GLG1: variants seen among roughly 807,000 people sequenced by gnomAD.
The protein encoded by GLG1 is Golgi apparatus protein 1.
GLG1 carries 38 observed loss-of-function variants against 160.5 expected under a neutral mutation model. The observed-to-expected ratio is 0.24, with a 90% CI of 0.18 to 0.31. The LOEUF (loss-of-function observed/expected upper bound fraction) is 0.31. Ranked by LOEUF, GLG1 falls within the 10% of genes least tolerant of loss-of-function variation. The probability of loss-of-function intolerance (pLI) is 1.00; values close to 1 mark genes in which losing one functional copy is unlikely to be tolerated. For synonymous variants in GLG1, 644 were observed against 543.4 expected, an observed-to-expected ratio of 1.19 and a Z score of -2.57; for missense variants, 1,373 against 1,505.2, an observed-to-expected ratio of 0.91 and a Z score of 1.45.
Position 74,462,737 on chromosome 16 carries a change from C to T in GLG1, c.2792-107G>A. The T allele has an allele frequency of 1.0e-5, 10 of 988,620 alleles. 1 individual carries two copies. In the South Asian group the frequency reaches 1.3e-4, roughly 13 times the overall value. 61.2% of individuals were successfully genotyped at this position (988,620 alleles called of 1,614,324 possible). A position where few individuals can be genotyped will look rare whatever the true frequency, so the allele number is the denominator to read the frequency against. Reference sequence around the variant, plus strand: ...CATATTATGTCAATGATCATGACTACAACCATGGATTTATCTATTCAATAA... The same window carrying T: ...CATATTATGTCAATGATCATGACTATAACCATGGATTTATCTATTCAATAA... On this transcript the variant is annotated intron_variant, in intron 20 of 25. Coordinates refer to ENST00000422840, the MANE Select transcript of GLG1 (RefSeq NM_001145667.2).
chr16:74,516,166 G>C (rs1458806918), intron 2 of GLG1, among the ~76,000 whole-genome samples: 1 of 151,490 alleles, frequency 6.6e-6, no homozygotes, highest in African/African-American at 2.4e-5. Context: ...AGTTAAGAAG[G>C]ATATCCAGGA....
At chr16:74,528,646 T>A (rs2017420546) in intron 2 of GLG1, among the ~76,000 whole-genome samples, 1 of 151,486 alleles carries the variant, frequency 6.6e-6, no homozygotes, top group African/African-American at 2.4e-5. Context: ...ACCCTGTCCC[T>A]ACTAAAAATA....
At chr16:74,604,575 T>A (rs1475361630) in intron 1 of GLG1, among the ~76,000 whole-genome samples, 1 of 152,260 alleles carries the variant, frequency 6.6e-6, no homozygotes, top group African/African-American at 2.4e-5. Flanking sequence ...AGTACATATA[T>A]CTATTTCACT....
rs1597316896 is a variant in GLG1, at chr16:74,532,036, T to C, written c.471+85A>G. 7 of 559,620 alleles carry C rather than the reference T, an allele frequency of 1.3e-5. No individual in the cohort carries two copies. In the East Asian group the frequency reaches 2.2e-4, roughly 17 times the overall value. The allele number at this position is 559,620 out of a possible 1,614,324, so 34.7% of individuals were successfully genotyped here. On this transcript the variant is annotated intron_variant, in intron 2 of 25. Coordinates refer to ENST00000422840, the MANE Select transcript of GLG1 (RefSeq NM_001145667.2). ...TAAGACTGTAAGAAAACATAGCACT[T>C]CCCAGAACAACAGGAAGAGCATCCC...
chr16:74,473,890 G>T (rs140742012), intron 13 of GLG1, among the ~76,000 whole-genome samples: 75 of 152,288 alleles, frequency 4.9e-4, no homozygotes, highest in African/African-American at 1.7e-3. Context: ...AAGAGCGAGG[G>T]ATGAGAGAAC....
At chr16:74,603,984 TA>T (rs780147517) in intron 1 of GLG1, among the ~76,000 whole-genome samples, 919 of 138,070 alleles carry the variant, frequency 6.7e-3, no homozygotes, top group Admixed American at 7.8e-3. Context: ...CCGAGAGCGT[TA>T]AAAAAAAAAA....
chr16:74,589,514 A>G (rs1211174131), intron 1 of GLG1, among the ~76,000 whole-genome samples: 1 of 152,174 alleles, frequency 6.6e-6, no homozygotes, highest in African/African-American at 2.4e-5. Context: ...ACACTTACAT[A>G]TAAGCCCTGT....
intron 1 of GLG1, among the ~76,000 whole-genome samples, chr16:74,565,484 G>A (rs1262119818): frequency 6.6e-6 from 1 of 152,178 alleles, no homozygotes; most frequent in African/African-American, 2.4e-5. Context: ...AAAACAAACT[G>A]CAACCTACTC....
At chr16:74,575,232 C>G (rs947121695) in intron 1 of GLG1, among the ~76,000 whole-genome samples, 1 of 151,740 alleles carries the variant, frequency 6.6e-6, no homozygotes, top group Non-Finnish European at 1.5e-5. Context: ...GGCCACAGAG[C>G]GAGACTCCAT....
At chr16:74,506,193 T>C (rs1221673956) in intron 3 of GLG1, among the ~76,000 whole-genome samples, 1 of 147,378 alleles carries the variant, frequency 6.8e-6, no homozygotes, top group African/African-American at 2.5e-5. Context: ...AGAAAAACAC[T>C]GGATACAAAA....
At chr16:74,571,758 G>A (rs1001478421) in intron 1 of GLG1, among the ~76,000 whole-genome samples, 3 of 152,092 alleles carry the variant, frequency 2.0e-5, no homozygotes, top group Non-Finnish European at 2.9e-5. Flanking sequence ...CCAGAAGATC[G>A]AGGTGTGACT....
intron 10 of GLG1, among the ~76,000 whole-genome samples, chr16:74,481,504 A>T (rs1191347847): frequency 6.6e-6 from 1 of 152,202 alleles, no homozygotes; most frequent in African/African-American, 2.4e-5. Flanking sequence ...AAAGAGGAGA[A>T]AACGTGATTT....
chr16:74,476,316 G>A (rs2015389207), intron 12 of GLG1, among the ~76,000 whole-genome samples: 2 of 152,152 alleles, frequency 1.3e-5, no homozygotes, highest in Non-Finnish European at 1.5e-5. Flanking sequence ...CATATCCCTT[G>A]TTTCATTGGA....
At position 74,447,598 on chromosome 16, in the gene GLG1, T is replaced by C. The variant is rs2014117891; in HGVS notation, c.*5569A>G. On this transcript the variant is annotated 3_prime_UTR_variant, in exon 26 of 26. Transcript: ENST00000422840. ...TTTATACATAGAAAGGAAACCCATT[T>C]ACAAAAGAGGCTTGTTAATTGTATT... The C allele has an allele frequency of 1.3e-5, 2 of 152,254 alleles. No homozygotes were observed. Among genetic ancestry groups the C allele is most frequent in the East Asian group, 3.8e-4 (2 of 5,206 alleles). 9.4% of individuals were successfully genotyped at this position (152,254 alleles called of 1,614,324 possible).
intron 1 of GLG1, among the ~76,000 whole-genome samples, chr16:74,582,165 GT>G (rs1226102305): frequency 6.6e-6 from 1 of 151,970 alleles, no homozygotes; most frequent in Non-Finnish European, 1.5e-5. Context: ...TCCATAATCT[GT>G]TTTTTTGTTT....
chr16:74,496,660 T>A lies in GLG1; in HGVS notation c.775-16A>T. On this transcript the variant is annotated splice_polypyrimidine_tract_variant and intron_variant, in intron 4 of 25. Transcript: ENST00000422840. ...AATGTGCATCCTAAAATAGCGAGGA[T>A]ATTAATATTTTAAAACTTTTATCAC... is the stretch of plus-strand genomic sequence containing the variant. The A allele has an allele frequency of 6.4e-7, 1 of 1,566,244 alleles. No homozygotes were observed. Among genetic ancestry groups the A allele is most frequent in the Non-Finnish European group, 8.8e-7 (1 of 1,137,464 alleles).
At chr16:74,491,802 C>T (rs1389515731) in intron 7 of GLG1, among the ~76,000 whole-genome samples, 5 of 151,770 alleles carry the variant, frequency 3.3e-5, no homozygotes, top group African/African-American at 1.2e-4. Context: ...CCACGCCCGG[C>T]TAATTTTTTT....
chr16:74,499,020 C>T (rs2016313883), intron 4 of GLG1, among the ~76,000 whole-genome samples: 1 of 151,944 alleles, frequency 6.6e-6, no homozygotes, highest in Admixed American at 6.6e-5. Flanking sequence ...TCCATGAAAG[C>T]TTTCGTGTTA....
chr16:74,558,610 T>C (rs2018416025), intron 1 of GLG1, among the ~76,000 whole-genome samples: 2 of 152,250 alleles, frequency 1.3e-5, no homozygotes, highest in Non-Finnish European at 1.5e-5. Context: ...CTTGAGAACC[T>C]TAAGACATTT....
Sources: allele counts gnomAD v4.1 joint callset (sites outside exome capture counted in the v4.1 genomes callset), GRCh38; gene constraint gnomAD v4.1.1; transcripts MANE v1.5; gene names NCBI Gene and HGNC (gene_info 2026-07-23, HGNC 2026-07-21).